Variants in MAGI2 observed in about 807,000 individuals in gnomAD.
MAGI2 encodes the protein membrane associated guanylate kinase, WW and PDZ domain containing 2.
A neutral mutation model predicts 133.3 loss-of-function variants in MAGI2; 35 were observed. The ratio of observed to expected loss-of-function variants is 0.26; its 90% CI spans 0.20 to 0.35. The LOEUF (loss-of-function observed/expected upper bound fraction) is 0.35, where lower values mean the gene tolerates loss of function less well. Among genes scored for constraint, MAGI2 ranks in the 10% least tolerant of loss-of-function variants. The pLI is 1.00. For synonymous variants in MAGI2, 729 were observed against 710.6 expected, an observed-to-expected ratio of 1.03 and a Z score of -0.41; for missense variants, 1,636 against 1,863.4, an observed-to-expected ratio of 0.88 and a Z score of 2.25.
At chr7:78,582,743 ATTAAG>A (rs1482716900) in intron 3 of MAGI2, among the ~76,000 whole-genome samples, 1 of 152,230 alleles carries the variant, frequency 6.6e-6, no homozygotes, top group Non-Finnish European at 1.5e-5. Context: ...GGCAGCTAGC[ATTAAG>A]TTAATTATAA....
intron 2 of MAGI2, among the ~76,000 whole-genome samples, chr7:78,836,033 G>T (rs9791886): frequency 6.6e-6 from 1 of 151,954 alleles, no homozygotes; most frequent in African/African-American, 2.4e-5. Context: ...ATGGCAAAAG[G>T]AACAGTAATG....
chr7:79,358,462 A>G (rs1374957508), intron 1 of MAGI2, among the ~76,000 whole-genome samples: 1 of 152,162 alleles, frequency 6.6e-6, no homozygotes, highest in Non-Finnish European at 1.5e-5. Flanking sequence ...CGAGGTAACT[A>G]GATGCAATAT....
chr7:79,237,075 T>G (rs1241951603), intron 1 of MAGI2, among the ~76,000 whole-genome samples: 24 of 152,102 alleles, frequency 1.6e-4, no homozygotes. Context: ...AATAGACAGC[T>G]CTCAGTTTGT....
chr7:78,783,982 C>A (rs1036724006), intron 2 of MAGI2, among the ~76,000 whole-genome samples: 1 of 152,074 alleles, frequency 6.6e-6, no homozygotes, highest in Non-Finnish European at 1.5e-5. Context: ...TGGGATATAG[C>A]CCTTTTTTAA....
chr7:79,066,338 A>C (rs1232238442), intron 1 of MAGI2, among the ~76,000 whole-genome samples: 1 of 147,492 alleles, frequency 6.8e-6, no homozygotes, highest in Non-Finnish European at 1.5e-5. Context: ...ACATTTTTTC[A>C]TATGATTGTT....
intron 6 of MAGI2, among the ~76,000 whole-genome samples, chr7:78,474,065 A>G (rs1791498507): frequency 6.6e-6 from 1 of 151,996 alleles, no homozygotes; most frequent in African/African-American, 2.4e-5. Flanking sequence ...CCCCACAATA[A>G]CAACATTAAC....
chr7:78,914,490 G>A lies in MAGI2; in HGVS notation c.418+92600C>T, dbSNP rs190962724. ...ATATCATAAAGTATAATGTTTGTGT[G>A]AAATAATTTGATCTGTCTTTTGTGC... On this transcript the variant is annotated intron_variant, in intron 2 of 21. Coordinates refer to ENST00000354212, the MANE Select transcript of MAGI2 (RefSeq NM_012301.4). 1.8e-3 allele frequency among the ~76,000 whole-genome samples: 272 copies of A among 152,168 alleles called. 1 individual carries two copies. Among genetic ancestry groups the A allele is most frequent in the Middle Eastern group, 6.8e-3 (2 of 294 alleles).
intron 9 of MAGI2, among the ~76,000 whole-genome samples, chr7:78,336,934 A>T (rs1789836219): frequency 6.6e-6 from 1 of 152,166 alleles, no homozygotes; most frequent in Non-Finnish European, 1.5e-5. Context: ...GTTACTTCTA[A>T]TTCAACCCCT....
At chr7:78,077,441 C>T (rs1334056966) in intron 21 of MAGI2, among the ~76,000 whole-genome samples, 1 of 150,690 alleles carries the variant, frequency 6.6e-6, no homozygotes, top group African/African-American at 2.4e-5. Flanking sequence ...TTATTAGATC[C>T]AAGCATTAAG....
chr7:78,514,290 T>G (rs1795856953), intron 4 of MAGI2, among the ~76,000 whole-genome samples: 1 of 150,920 alleles, frequency 6.6e-6, no homozygotes, highest in South Asian at 2.1e-4. Flanking sequence ...TATAAAATTA[T>G]TAATAGTAAT....
chr7:78,219,292 T>A (rs146352277), intron 10 of MAGI2, among the ~76,000 whole-genome samples: 9 of 152,314 alleles, frequency 5.9e-5, no homozygotes, highest in Admixed American at 5.9e-4. Flanking sequence ...CTCACTTCTC[T>A]CTCAACGATT....
chr7:78,636,369 T>G (rs1236656076), intron 2 of MAGI2, among the ~76,000 whole-genome samples: 1 of 145,782 alleles, frequency 6.9e-6, no homozygotes, highest in South Asian at 2.2e-4. Context: ...TTTTTTTTTT[T>G]GAAGAAGAAA....
intron 1 of MAGI2, among the ~76,000 whole-genome samples, chr7:79,278,941 G>T (rs2129557783): frequency 6.6e-6 from 1 of 152,226 alleles, no homozygotes; most frequent in South Asian, 2.1e-4. Context: ...AGGAAGAGAT[G>T]ACATAGTCTA....
At chr7:78,903,424 T>C (rs1437902911) in intron 2 of MAGI2, among the ~76,000 whole-genome samples, 4 of 151,914 alleles carry the variant, frequency 2.6e-5, no homozygotes, top group Non-Finnish European at 5.9e-5. Context: ...CTCGATCTCC[T>C]GACCTCGTGA....
chr7:78,852,154 T>C (rs1003364514), intron 2 of MAGI2, among the ~76,000 whole-genome samples: 2 of 152,170 alleles, frequency 1.3e-5, no homozygotes, highest in African/African-American at 2.4e-5. Flanking sequence ...ATTTCCTTAA[T>C]TACTAATGCA....
chr7:78,308,027 T>C (rs966044158), intron 9 of MAGI2, among the ~76,000 whole-genome samples: 2 of 152,194 alleles, frequency 1.3e-5, no homozygotes, highest in Admixed American at 6.5e-5. Context: ...AGTTAGGTCA[T>C]TGGGAATCAA....
At chr7:78,057,977 G>GTGTATATTTATATATATATATATATA (rs762943472) in intron 21 of MAGI2, among the ~76,000 whole-genome samples, 1 of 106,612 alleles carries the variant, frequency 9.4e-6, no homozygotes, top group African/African-American at 3.4e-5. Flanking sequence ...ATATATATGT[G>GTGTATATTTATATATATATATATATA]TATATATATA....
intron 1 of MAGI2, among the ~76,000 whole-genome samples, chr7:79,174,754 A>G (rs1339318579): frequency 1.3e-5 from 2 of 151,942 alleles, no homozygotes; most frequent in Non-Finnish European, 2.9e-5. Context: ...CATTTTGTAG[A>G]AAAAATATAT....
At chr7:78,165,757 C>T (rs528669048) in intron 15 of MAGI2, among the ~76,000 whole-genome samples, 4 of 152,152 alleles carry the variant, frequency 2.6e-5, no homozygotes, top group Non-Finnish European at 4.4e-5. Flanking sequence ...ATAATAATAA[C>T]AAAACGACAA....
Sources: gnomAD v4.1 joint callset for allele counts (sites outside exome capture counted in the v4.1 genomes callset) on GRCh38, gnomAD v4.1.1 for gene constraint, MANE v1.5 for transcripts, NCBI Gene and HGNC (gene_info 2026-07-23, HGNC 2026-07-21) for gene names.